ARFIP1: variants seen among roughly 807,000 people sequenced by gnomAD.
ARFIP1 encodes arfaptin-1.
ARFIP1 carries 24 observed loss-of-function variants against 42.5 expected under a neutral mutation model. The ratio of observed to expected loss-of-function variants is 0.57; its 90% CI spans 0.41 to 0.80. ARFIP1 has a LOEUF of 0.80. ARFIP1 is among the 30% of genes least tolerant of loss of function. The pLI, the probability that ARFIP1 is intolerant of heterozygous loss-of-function variation, is 0.00. For missense variants in ARFIP1, 354 were observed against 434.0 expected (o/e 0.82, Z 1.64); for synonymous variants, 141 against 153.7 (o/e 0.92, Z 0.61).
At chr4:152,858,169 G>A (rs1402413892) in intron 2 of ARFIP1, among the ~76,000 whole-genome samples, 5 of 152,134 alleles carry the variant, frequency 3.3e-5, no homozygotes, top group Non-Finnish European at 7.3e-5. Flanking sequence ...GTGCATGTCT[G>A]TAATCCCAGC....
chr4:152,792,498 C>A (rs1731199697), intron 1 of ARFIP1, among the ~76,000 whole-genome samples: 1 of 151,992 alleles, frequency 6.6e-6, no homozygotes, highest in African/African-American at 2.4e-5. Flanking sequence ...TTGGGCATAC[C>A]ACTTCAGACC....
intron 1 of ARFIP1, chr4:152,796,523 A>G (rs569787715): frequency 1.8e-4 from 140 of 763,034 alleles, no homozygotes; most frequent in Admixed American, 3.0e-4. Flanking sequence ...GTTTCTGTTT[A>G]ATCATATTGG....
chr4:152,834,819 T>C (rs1731523415), intron 2 of ARFIP1, among the ~76,000 whole-genome samples: 1 of 152,234 alleles, frequency 6.6e-6, no homozygotes, highest in Admixed American at 6.5e-5. Flanking sequence ...GTAGGGACTC[T>C]GTGTGGGGGC....
intron 8 of ARFIP1, among the ~76,000 whole-genome samples, chr4:152,907,764 C>T (rs1475197086): frequency 6.6e-6 from 1 of 152,120 alleles, no homozygotes; most frequent in African/African-American, 2.4e-5. Context: ...GTTGAGAGAC[C>T]ACTCTATCTG....
intron 7 of ARFIP1, 28 bp downstream of exon 7, chr4:152,882,908 C>G: frequency 6.3e-7 from 1 of 1,582,830 alleles, no homozygotes; most frequent in Non-Finnish European, 8.6e-7. Context: ...ACTGTGTTGT[C>G]TGTTTTACAG....
chr4:152,833,792 G>A (rs575182373), intron 2 of ARFIP1, among the ~76,000 whole-genome samples: 21 of 152,194 alleles, frequency 1.4e-4, no homozygotes, highest in Admixed American at 2.0e-4. Context: ...AGACAAATAC[G>A]GCATGATTCT....
At chr4:152,870,308 A>T (rs900048309) in intron 3 of ARFIP1, among the ~76,000 whole-genome samples, 4 of 152,260 alleles carry the variant, frequency 2.6e-5, no homozygotes, top group Non-Finnish European at 4.4e-5. Flanking sequence ...TATAAGAGAT[A>T]TGAGAGCATG....
intron 1 of ARFIP1, among the ~76,000 whole-genome samples, chr4:152,818,867 C>T (rs186332870): frequency 2.6e-4 from 40 of 152,272 alleles, no homozygotes; most frequent in Admixed American, 1.2e-3. Flanking sequence ...CTCCTTCCCA[C>T]GCAGATTCTT....
intron 5 of ARFIP1, among the ~76,000 whole-genome samples, chr4:152,876,354 C>T (rs988652450): frequency 6.6e-6 from 1 of 152,166 alleles, no homozygotes; most frequent in Non-Finnish European, 1.5e-5. Context: ...AAAGGTGACT[C>T]CTGTTATGTT....
At chr4:152,863,345 A>G (rs946075406) in intron 2 of ARFIP1, among the ~76,000 whole-genome samples, 4 of 152,212 alleles carry the variant, frequency 2.6e-5, no homozygotes, top group African/African-American at 9.6e-5. Flanking sequence ...TTTACATTGA[A>G]TTTTAATATC....
intron 1 of ARFIP1, among the ~76,000 whole-genome samples, chr4:152,827,204 A>AT (rs1425851370): frequency 6.6e-6 from 1 of 152,218 alleles, no homozygotes; most frequent in African/African-American, 2.4e-5. Context: ...TCTAGGAACA[A>AT]TTCTTTCATA....
chr4:152,901,716 A>G (rs1239595276), intron 8 of ARFIP1, among the ~76,000 whole-genome samples: 1 of 152,134 alleles, frequency 6.6e-6, no homozygotes, highest in Non-Finnish European at 1.5e-5. Flanking sequence ...ATTTTAAATC[A>G]TTTCTAACTT....
chr4:152,818,290 A>G (rs1578862611), intron 1 of ARFIP1, among the ~76,000 whole-genome samples: 1 of 152,204 alleles, frequency 6.6e-6, no homozygotes, highest in Non-Finnish European at 1.5e-5. Context: ...GAGCTTGGGA[A>G]GGGGAGAGAC....
intron 8 of ARFIP1, among the ~76,000 whole-genome samples, chr4:152,892,791 T>G (rs1250776252): frequency 2.0e-5 from 3 of 152,222 alleles, no homozygotes; most frequent in Non-Finnish European, 4.4e-5. Flanking sequence ...CCCCGTGATT[T>G]AGTTGTGTTT....
At chr4:152,859,122 G>A (rs1370202169) in intron 2 of ARFIP1, among the ~76,000 whole-genome samples, 2 of 152,018 alleles carry the variant, frequency 1.3e-5, no homozygotes, top group South Asian at 2.1e-4. Context: ...CAGGGCAGTC[G>A]CACCAATTGG....
chr4:152,789,286 C>T (rs1731008122), intron 1 of ARFIP1, among the ~76,000 whole-genome samples: 1 of 151,768 alleles, frequency 6.6e-6, no homozygotes, highest in African/African-American at 2.4e-5. Context: ...AGAGAGGTTT[C>T]ACCATGTTGG....
intron 5 of ARFIP1, among the ~76,000 whole-genome samples, chr4:152,877,286 G>C (rs1375192510): frequency 1.3e-5 from 2 of 152,150 alleles, no homozygotes; most frequent in Non-Finnish European, 2.9e-5. Flanking sequence ...CAAGACCATG[G>C]GAACCCACCT....
At chr4:152,909,941 C>T in intron 8 of ARFIP1, 123 bp from the exon 9 acceptor site, 1 of 1,269,646 alleles carries the variant, frequency 7.9e-7, no homozygotes, top group Non-Finnish European at 1.1e-6. Context: ...AATACTTGGT[C>T]ATTATTAAGC....
chr4:152,836,805 C>T (rs138899279), intron 2 of ARFIP1, among the ~76,000 whole-genome samples: 66 of 151,048 alleles, frequency 4.4e-4, no homozygotes, highest in Non-Finnish European at 5.9e-4. Context: ...TTTATTTTTC[C>T]GCAAGTTATT....
Sources: gnomAD v4.1 joint callset for allele counts (sites outside exome capture counted in the v4.1 genomes callset) on GRCh38, gnomAD v4.1.1 for gene constraint, MANE v1.5 for transcripts, NCBI Gene and HGNC (gene_info 2026-07-23, HGNC 2026-07-21) for gene names.